The following PRKG1 variants were observed in gnomAD, a reference collection of about 807,000 sequenced individuals.
PRKG1 encodes protein kinase cGMP-dependent 1, also known as cGMP-dependent protein kinase 1.
PRKG1 carries 35 observed loss-of-function variants against 88.1 expected under a neutral mutation model. The ratio of observed to expected loss-of-function variants is 0.40; its 90% confidence interval spans 0.30 to 0.53. The LOEUF (loss-of-function observed/expected upper bound fraction) is 0.53. Among genes scored for constraint, PRKG1 ranks in the 20% least tolerant of loss-of-function variants. The pLI, the probability that PRKG1 is intolerant of heterozygous loss-of-function variation, is 0.59. For missense variants in PRKG1, 540 were observed against 839.8 expected (o/e 0.64, Z 4.41); for synonymous variants, 303 against 292.5 (o/e 1.04, Z -0.37).
intron 1 of PRKG1, among the ~76,000 whole-genome samples, chr10:51,016,533 C>G (rs567658700): frequency 3.0e-4 from 45 of 152,006 alleles, no homozygotes; most frequent in African/African-American, 1.0e-3. Flanking sequence ...TAAAGAAGGA[C>G]AAAGACTAAT....
chr10:51,698,284 G>A, intron 3 of PRKG1: 1 of 1,614,052 alleles, frequency 6.2e-7, no homozygotes, highest in Non-Finnish European at 8.5e-7. Flanking sequence ...CAGTTTCCAT[G>A]GCACGAGTCT....
intron 5 of PRKG1, among the ~76,000 whole-genome samples, chr10:51,916,962 G>C (rs1437273865): frequency 2.0e-5 from 3 of 152,118 alleles, no homozygotes; most frequent in African/African-American, 7.2e-5. Context: ...ATATAAAACA[G>C]ACAAATCTAT....
intron 2 of PRKG1, among the ~76,000 whole-genome samples, chr10:51,244,324 T>TG (rs1554850858): frequency 6.6e-6 from 1 of 151,538 alleles, no homozygotes; most frequent in African/African-American, 2.4e-5. Flanking sequence ...TTTTTTTTTT[T>TG]TACCATTTAT....
chr10:51,846,061 C>A (rs984529093), intron 4 of PRKG1, among the ~76,000 whole-genome samples: 2 of 152,110 alleles, frequency 1.3e-5, no homozygotes, highest in East Asian at 3.9e-4. Flanking sequence ...CCAGCTCCCC[C>A]AAAATGGGCA....
intron 4 of PRKG1, among the ~76,000 whole-genome samples, chr10:51,816,268 C>T (rs1839582458): frequency 6.6e-6 from 1 of 152,068 alleles, no homozygotes; most frequent in South Asian, 2.1e-4. Context: ...TTATGCTGGC[C>T]TCCCCCTGAG....
intron 9 of PRKG1, among the ~76,000 whole-genome samples, chr10:52,170,676 C>T (rs1350224563): frequency 1.3e-5 from 2 of 152,174 alleles, no homozygotes; most frequent in Non-Finnish European, 2.9e-5. Context: ...AATTAGTCCT[C>T]ATTGATTTTC....
intron 1 of PRKG1, among the ~76,000 whole-genome samples, chr10:50,994,007 A>C (rs1842808631): frequency 6.6e-6 from 1 of 152,206 alleles, no homozygotes; most frequent in African/African-American, 2.4e-5. Flanking sequence ...TGTCTATAGC[A>C]AATAGCTGGA....
intron 1 of PRKG1, among the ~76,000 whole-genome samples, chr10:51,011,105 G>A (rs962659871): frequency 6.6e-6 from 1 of 152,212 alleles, no homozygotes; most frequent in Admixed American, 6.5e-5. Context: ...CAAGGGGGCA[G>A]TAACGCCCCC....
intron 9 of PRKG1, among the ~76,000 whole-genome samples, chr10:52,168,679 C>T (rs1838566844): frequency 6.8e-6 from 1 of 147,332 alleles, no homozygotes; most frequent in Non-Finnish European, 1.5e-5. Context: ...TGATAGTAGA[C>T]AGGAATAGAG....
chr10:51,252,392 G>GT (rs2132143556), intron 2 of PRKG1, among the ~76,000 whole-genome samples: 1 of 151,738 alleles, frequency 6.6e-6, no homozygotes, highest in Non-Finnish European at 1.5e-5. Context: ...TAAAATGCAT[G>GT]TTTTTTATAA....
At chr10:52,030,609 G>T (rs1845451163) in intron 5 of PRKG1, among the ~76,000 whole-genome samples, 1 of 152,136 alleles carries the variant, frequency 6.6e-6, no homozygotes, top group African/African-American at 2.4e-5. Context: ...CTAACAGTTT[G>T]GCAGCAAGGG....
intron 2 of PRKG1, among the ~76,000 whole-genome samples, chr10:51,167,949 T>C: frequency 6.6e-6 from 1 of 152,162 alleles, no homozygotes; most frequent in East Asian, 1.9e-4. Flanking sequence ...TTGATGAAAG[T>C]TGCTCTCTTC....
At chr10:51,847,509 C>T (rs534727144) in intron 4 of PRKG1, among the ~76,000 whole-genome samples, 14 of 151,706 alleles carry the variant, frequency 9.2e-5, no homozygotes, top group African/African-American at 3.4e-4. Context: ...TGTAATTACT[C>T]ATTGCAAATG....
intron 2 of PRKG1, among the ~76,000 whole-genome samples, chr10:51,301,056 G>A (rs570804096): frequency 1.2e-4 from 18 of 152,026 alleles, no homozygotes; most frequent in South Asian, 6.2e-4. Context: ...CTCTCATGTC[G>A]GTGACAGCAC....
At chr10:51,453,145 T>A (rs1244333757) in intron 2 of PRKG1, among the ~76,000 whole-genome samples, 1 of 152,042 alleles carries the variant, frequency 6.6e-6, no homozygotes, top group African/African-American at 2.4e-5. Flanking sequence ...ATATCTCCCA[T>A]TCCATTTCTA....
intron 5 of PRKG1, among the ~76,000 whole-genome samples, chr10:52,035,732 G>A (rs4935308): frequency 0.66 from 99,426 of 151,442 alleles, 33,181 homozygotes; most frequent in South Asian, 0.74. Flanking sequence ...CAGAAAGTAT[G>A]TGCGTCAGGT....
intron 2 of PRKG1, among the ~76,000 whole-genome samples, chr10:51,458,084 T>C (rs1222523703): frequency 6.6e-6 from 1 of 152,230 alleles, no homozygotes; most frequent in East Asian, 1.9e-4. Context: ...TAAAACAATG[T>C]GCAGGTAGAT....
intron 5 of PRKG1, among the ~76,000 whole-genome samples, chr10:52,035,890 G>A (rs1845596325): frequency 6.6e-6 from 1 of 152,232 alleles, no homozygotes; most frequent in Admixed American, 6.5e-5. Flanking sequence ...GTAAGGTCAA[G>A]TTGTTTGGAC....
chr10:51,837,899 T>G (rs769290504), intron 4 of PRKG1, among the ~76,000 whole-genome samples: 5 of 152,186 alleles, frequency 3.3e-5, no homozygotes, highest in Non-Finnish European at 5.9e-5. Flanking sequence ...TTTTTGCTTT[T>G]CTGCAAACTT....
Sources: gnomAD v4.1 joint callset for allele counts (sites outside exome capture counted in the v4.1 genomes callset) on GRCh38, gnomAD v4.1.1 for gene constraint, MANE v1.5 for transcripts, NCBI Gene and HGNC (gene_info 2026-07-23, HGNC 2026-07-21) for gene names.